CADM2: variants seen among roughly 807,000 people sequenced by gnomAD.
CADM2 encodes immunoglobulin superfamily member 4D.
Under a neutral mutation model 49.8 loss-of-function variants are expected in CADM2, and 12 were observed. The observed-to-expected ratio is 0.24, with a 90% confidence interval of 0.15 to 0.39. The LOEUF (loss-of-function observed/expected upper bound fraction) is 0.39, where lower values mean the gene tolerates loss of function less well. Ranked by LOEUF, CADM2 falls within the 10% of genes least tolerant of loss-of-function variation. The pLI, the probability that CADM2 is intolerant of heterozygous loss-of-function variation, is 1.00. For synonymous variants in CADM2, 214 were observed against 175.4 expected, an observed-to-expected ratio of 1.22 and a Z score of -1.74; for missense variants, 378 against 492.3, an observed-to-expected ratio of 0.77 and a Z score of 2.20.
At chr3:85,482,732 G>C (rs1008560752) in intron 1 of CADM2, among the ~76,000 whole-genome samples, 1 of 151,530 alleles carries the variant, frequency 6.6e-6, no homozygotes, top group African/African-American at 2.4e-5. Flanking sequence ...TTAAACTAGA[G>C]AGTACATTTC....
At chr3:85,184,098 A>G (rs1213765740) in intron 1 of CADM2, among the ~76,000 whole-genome samples, 1 of 152,132 alleles carries the variant, frequency 6.6e-6, no homozygotes, top group Non-Finnish European at 1.5e-5. Flanking sequence ...AAGATGTCAC[A>G]GAAGCCAAGA....
At chr3:85,118,406 T>A (rs2038720573) in intron 1 of CADM2, among the ~76,000 whole-genome samples, 1 of 152,164 alleles carries the variant, frequency 6.6e-6, no homozygotes, top group Non-Finnish European at 1.5e-5. Flanking sequence ...GGAAAGAGGT[T>A]TAATGGACCC....
intron 1 of CADM2, among the ~76,000 whole-genome samples, chr3:85,571,197 T>C (rs2062464504): frequency 6.6e-6 from 1 of 152,216 alleles, no homozygotes; most frequent in Non-Finnish European, 1.5e-5. Context: ...GAAATTCTTA[T>C]AATTTTATCT....
At chr3:85,087,327 C>A (rs1435404829) in intron 1 of CADM2, among the ~76,000 whole-genome samples, 2 of 152,076 alleles carry the variant, frequency 1.3e-5, no homozygotes, top group Admixed American at 6.6e-5. Flanking sequence ...GATTCTTTAT[C>A]TTTTCATCTG....
At chr3:85,372,653 A>AT (rs1465665910) in intron 1 of CADM2, among the ~76,000 whole-genome samples, 1 of 152,004 alleles carries the variant, frequency 6.6e-6, no homozygotes, top group African/African-American at 2.4e-5. Flanking sequence ...TTTTGCTTGT[A>AT]TTAGTCTCTT....
At chr3:85,194,490 C>T (rs1164018629) in intron 1 of CADM2, among the ~76,000 whole-genome samples, 6 of 151,890 alleles carry the variant, frequency 4.0e-5, no homozygotes, top group African/African-American at 1.5e-4. Context: ...ATGATGGTGG[C>T]AATCTTGAAA....
intron 8 of CADM2, among the ~76,000 whole-genome samples, chr3:86,026,438 A>AT (rs932591550): frequency 2.0e-5 from 3 of 151,856 alleles, no homozygotes; most frequent in Non-Finnish European, 2.9e-5. Flanking sequence ...TGTATCATGG[A>AT]TTTTTTGTAG....
At chr3:85,624,650 C>T (rs554545799) in intron 1 of CADM2, among the ~76,000 whole-genome samples, 2 of 152,046 alleles carry the variant, frequency 1.3e-5, no homozygotes, top group African/African-American at 4.8e-5. Context: ...AGGAACACAT[C>T]GAAAATAGAT....
chr3:85,459,943 A>G (rs116744859), intron 1 of CADM2, among the ~76,000 whole-genome samples: 2,096 of 152,244 alleles, frequency 0.014, 47 homozygotes, highest in African/African-American at 0.048. Context: ...TCTATTTTGT[A>G]TCTGCCAGAG....
At chr3:85,785,658 T>A (rs1477149967) in intron 2 of CADM2, among the ~76,000 whole-genome samples, 1 of 152,056 alleles carries the variant, frequency 6.6e-6, no homozygotes, top group Non-Finnish European at 1.5e-5. Context: ...CTTGAAATGC[T>A]TCTGAATGTG....
chr3:86,029,004 T>C (rs1465523261), intron 8 of CADM2, among the ~76,000 whole-genome samples: 1 of 152,118 alleles, frequency 6.6e-6, no homozygotes, highest in African/African-American at 2.4e-5. Context: ...CAATGAATTG[T>C]AAGTGCCATG....
chr3:85,259,978 C>T (rs1402558291), intron 1 of CADM2, among the ~76,000 whole-genome samples: 2 of 151,998 alleles, frequency 1.3e-5, no homozygotes, highest in Non-Finnish European at 2.9e-5. Context: ...TAAAGCCACT[C>T]GAGTACTATT....
chr3:85,576,829 C>T (rs2062644594), intron 1 of CADM2, among the ~76,000 whole-genome samples: 2 of 152,096 alleles, frequency 1.3e-5, no homozygotes, highest in Admixed American at 1.3e-4. Flanking sequence ...TAACTATTAA[C>T]CTAGACTATA....
intron 1 of CADM2, among the ~76,000 whole-genome samples, chr3:85,182,816 T>A (rs1015598828): frequency 2.6e-5 from 4 of 152,074 alleles, no homozygotes; most frequent in Admixed American, 6.6e-5. Context: ...AATTTCCAAT[T>A]CTCTGTATAT....
chr3:85,281,992 T>A (rs2106891882), intron 1 of CADM2, among the ~76,000 whole-genome samples: 1 of 152,246 alleles, frequency 6.6e-6, no homozygotes, highest in South Asian at 2.1e-4. Flanking sequence ...AGAAGTTTCT[T>A]AAAATAAATT....
At chr3:85,889,199 CT>C (rs1714092080) in intron 5 of CADM2, among the ~76,000 whole-genome samples, 1 of 152,140 alleles carries the variant, frequency 6.6e-6, no homozygotes, top group Non-Finnish European at 1.5e-5. Context: ...AAATCTTTAT[CT>C]TTTCTCTATC....
At position 85,023,303 on chromosome 3, in the gene CADM2, C is replaced by G. The variant is rs189921243; in HGVS notation, c.61+63635C>G. 8.5e-4 allele frequency among the ~76,000 whole-genome samples: 129 copies of G among 152,166 alleles called. 1 individual carries two copies. The highest frequency in any genetic ancestry group is 2.8e-3 in the African/African-American group (117 of 41,550). ...CCTCTCTAGTATTTGTACTTATTAC[C>G]TCAGTAGGGCTGGTTTGCAGGGTAT... On this transcript the variant is annotated intron_variant, in intron 1 of 9. Coordinates refer to ENST00000383699, the MANE Select transcript of CADM2 (RefSeq NM_001167675.2).
chr3:85,855,617 A>ATATATATATATATATATATATATAT (rs374763892), intron 3 of CADM2, among the ~76,000 whole-genome samples: 6 of 42,578 alleles, frequency 1.4e-4, no homozygotes, highest in Non-Finnish European at 1.9e-4. Flanking sequence ...ATATATATAT[A>ATATATATATATATATATATATATAT]AAACATATAT....
intron 7 of CADM2, among the ~76,000 whole-genome samples, chr3:85,948,387 C>T (rs1039223329): frequency 1.3e-5 from 2 of 151,278 alleles, no homozygotes; most frequent in African/African-American, 4.8e-5. Context: ...GTCACCAGTA[C>T]AACTTACTGA....
Sources: allele counts gnomAD v4.1 joint callset (sites outside exome capture counted in the v4.1 genomes callset), GRCh38; gene constraint gnomAD v4.1.1; transcripts MANE v1.5; gene names NCBI Gene and HGNC (gene_info 2026-07-23, HGNC 2026-07-21).